The following DNAJC25 variants were observed in gnomAD, a reference collection of about 807,000 sequenced individuals.
The protein encoded by DNAJC25 is dnaJ homolog subfamily C member 25.
DNAJC25 carries 26 observed loss-of-function variants against 42.1 expected under a neutral mutation model. The ratio of observed to expected loss-of-function variants is 0.62; its 90% CI spans 0.45 to 0.86. The LOEUF is 0.86. Among genes scored for constraint, DNAJC25 ranks in the 40% least tolerant of loss-of-function variants. The pLI, the probability that DNAJC25 is intolerant of heterozygous loss-of-function variation, is 0.00. For synonymous variants in DNAJC25, 189 were observed against 179.9 expected, an observed-to-expected ratio of 1.05 and a Z score of -0.40; for missense variants, 404 against 459.4, an observed-to-expected ratio of 0.88 and a Z score of 1.10.
At chr9:111,641,592 C>T (rs1589344049) in intron 1 of DNAJC25, among the ~76,000 whole-genome samples, 1 of 136,834 alleles carries the variant, frequency 7.3e-6, no homozygotes, top group Admixed American at 7.1e-5. Context: ...GGTCGGCCCC[C>T]CGCCCGGCCA....
At chr9:111,636,775 CT>C (rs1282388517) in intron 1 of DNAJC25, among the ~76,000 whole-genome samples, 1 of 152,078 alleles carries the variant, frequency 6.6e-6, no homozygotes, top group East Asian at 1.9e-4. Flanking sequence ...GTTTTGAGAC[CT>C]TTTCTGGGTT....
chr9:111,641,740 C>T (rs1317608650), intron 1 of DNAJC25, among the ~76,000 whole-genome samples: 3 of 132,876 alleles, frequency 2.3e-5, no homozygotes, highest in African/African-American at 5.8e-5. Context: ...CGCCTCTGCC[C>T]GGCCGCCCCT....
intron 1 of DNAJC25, among the ~76,000 whole-genome samples, chr9:111,639,059 G>A (rs1459499217): frequency 2.0e-5 from 3 of 151,928 alleles, no homozygotes; most frequent in East Asian, 3.9e-4. Context: ...ACTTGTTTCC[G>A]AGATCCAGCC....
At chr9:111,632,220 G>C (rs1830294073) in intron 1 of DNAJC25, among the ~76,000 whole-genome samples, 1 of 152,182 alleles carries the variant, frequency 6.6e-6, no homozygotes, top group Admixed American at 6.5e-5. Context: ...ACACTGAGAA[G>C]AACAATGAAC....
At chr9:111,650,201 A>G (rs144170223) in intron 3 of DNAJC25, among the ~76,000 whole-genome samples, 1,847 of 152,148 alleles carry the variant, frequency 0.012, 72 homozygotes, top group Admixed American at 0.08. Context: ...AATGATATGC[A>G]TGTTTGCAAG....
chr9:111,634,806 G>A (rs1337896211), intron 1 of DNAJC25, among the ~76,000 whole-genome samples: 1 of 151,588 alleles, frequency 6.6e-6, no homozygotes, highest in African/African-American at 2.4e-5. Flanking sequence ...AAGAAGATAT[G>A]ACATTTGATC....
chr9:111,650,693 G>A (rs1311635243), intron 3 of DNAJC25, among the ~76,000 whole-genome samples: 1 of 152,010 alleles, frequency 6.6e-6, no homozygotes, highest in Non-Finnish European at 1.5e-5. Context: ...TTGGGGTTTT[G>A]CCATGTTGTC....
At chr9:111,633,226 G>A (rs1271156971) in intron 1 of DNAJC25, among the ~76,000 whole-genome samples, 1 of 152,096 alleles carries the variant, frequency 6.6e-6, no homozygotes, top group Non-Finnish European at 1.5e-5. Context: ...AAATCATAAT[G>A]GGATTTACTA....
intron 3 of DNAJC25, among the ~76,000 whole-genome samples, chr9:111,650,735 A>C (rs114588359): frequency 6.6e-6 from 1 of 152,110 alleles, no homozygotes; most frequent in Admixed American, 6.5e-5. Flanking sequence ...AGCTCAAGCA[A>C]TCTGCCCACC....
chr9:111,638,615 G>A (rs1830399181), intron 1 of DNAJC25, among the ~76,000 whole-genome samples: 1 of 151,428 alleles, frequency 6.6e-6, no homozygotes, highest in South Asian at 2.1e-4. Flanking sequence ...GAGTAACATT[G>A]TCTACGTAGT....
intron 1 of DNAJC25, chr9:111,643,020 A>C (rs1830507157): frequency 2.3e-6 from 1 of 440,442 alleles, no homozygotes; most frequent in Non-Finnish European, 4.8e-6. Context: ...TTTTGGAAAG[A>C]AGTTGGAATC....
chr9:111,653,258 G>T lies in DNAJC25; in HGVS notation c.*36G>T, dbSNP rs1446375055. The T allele has an allele frequency of 2.8e-6, 4 of 1,445,104 alleles. No individual in the cohort carries two copies. Among genetic ancestry groups the T allele is most frequent in the Non-Finnish European group, 3.7e-6 (4 of 1,090,974 alleles). The allele number at this position is 1,445,104 out of a possible 1,614,324, so 89.5% of individuals were successfully genotyped here. ...AATGCTACTATGCCAAACCTTAATT[G>T]TGATATTATTTTCATAACTGAATTA... is the stretch of plus-strand genomic sequence containing the variant. On this transcript the variant is annotated 3_prime_UTR_variant, in exon 4 of 4. Coordinates refer to ENST00000313525, the MANE Select transcript of DNAJC25 (RefSeq NM_001015882.3).
Position 111,649,782 on chromosome 9 carries a change from A to C in DNAJC25, c.819A>C (p.Lys273Asn), listed in dbSNP as rs1564087451. The C allele has an allele frequency of 6.2e-7, 1 of 1,614,096 alleles. No homozygotes were observed. The change falls in exon 3 of 4, where the codon AAA (lysine) becomes AAC (asparagine). Residue 273 changes from lysine (K) to asparagine (N), a missense_variant. By Grantham distance (94) the Lys-to-Asn change is moderately conservative. Transcript: ENST00000313525. ...YCRWIYNFNI[K>N]GKEYGEEERL... ...GGTGGATCTATAATTTTAACATCAA[A>C]GGCAAAGAATATGGAGAGGAAGAGA...
At chr9:111,652,239 G>T (rs1416174248) in intron 3 of DNAJC25, among the ~76,000 whole-genome samples, 2 of 152,068 alleles carry the variant, frequency 1.3e-5, no homozygotes, top group East Asian at 3.9e-4. Flanking sequence ...GCAGGGTGCA[G>T]TGGCTCACGC....
intron 1 of DNAJC25, among the ~76,000 whole-genome samples, chr9:111,643,764 T>G (rs1279820443): frequency 1.3e-5 from 2 of 152,162 alleles, no homozygotes; most frequent in Non-Finnish European, 2.9e-5. Context: ...GTGGCTACCT[T>G]AGTTCAAGAT....
At chr9:111,639,963 C>T (rs1351764374) in intron 1 of DNAJC25, among the ~76,000 whole-genome samples, 1 of 147,452 alleles carries the variant, frequency 6.8e-6, no homozygotes, top group Non-Finnish European at 1.5e-5. Flanking sequence ...TCTCCGTCTC[C>T]CCATGGTCTC....
intron 1 of DNAJC25, among the ~76,000 whole-genome samples, chr9:111,637,582 T>TA (rs149155711): frequency 4.6e-5 from 7 of 152,362 alleles, no homozygotes; most frequent in Non-Finnish European, 8.8e-5. Context: ...AAACTACACT[T>TA]ACATTTTTTC....
chr9:111,639,959 TCTCCC>T (rs1830425062), intron 1 of DNAJC25, among the ~76,000 whole-genome samples: 1 of 133,272 alleles, frequency 7.5e-6, no homozygotes, highest in African/African-American at 2.7e-5. Context: ...TCCGTCTCCG[TCTCCC>T]CATGGTCTCC....
At chr9:111,650,126 G>A (rs568926000) in intron 3 of DNAJC25, among the ~76,000 whole-genome samples, 1 of 152,246 alleles carries the variant, frequency 6.6e-6, no homozygotes, top group Non-Finnish European at 1.5e-5. Flanking sequence ...CTTTTTAGAG[G>A]ATGAACTTCA....
Sources: gnomAD v4.1 joint callset for allele counts (sites outside exome capture counted in the v4.1 genomes callset) on GRCh38, gnomAD v4.1.1 for gene constraint, MANE v1.5 for transcripts, NCBI Gene and HGNC (gene_info 2026-07-23, HGNC 2026-07-21) for gene names.